Variants in HECW1 observed in about 807,000 individuals in gnomAD.
HECW1 encodes the protein E3 ubiquitin-protein ligase HECW1.
A neutral mutation model predicts 182.3 loss-of-function variants in HECW1; 61 were observed. That is an observed-to-expected ratio of 0.33 (90% confidence interval 0.27 to 0.41). HECW1 has a LOEUF of 0.41. HECW1 is among the 10% of genes least tolerant of loss of function. HECW1 has a pLI of 1.00. For synonymous variants in HECW1, 859 were observed against 832.6 expected (o/e 1.03, Z -0.55); for missense variants, 1,739 against 2,108.9 (o/e 0.82, Z 3.44).
At chr7:43,238,111 G>A (rs1258986354) in intron 2 of HECW1, among the ~76,000 whole-genome samples, 2 of 152,232 alleles carry the variant, frequency 1.3e-5, no homozygotes, top group Non-Finnish European at 2.9e-5. Context: ...CTGTTGTGGA[G>A]TTATTCAAGG....
intron 2 of HECW1, among the ~76,000 whole-genome samples, chr7:43,132,264 A>G (rs188656803): frequency 6.7e-6 from 1 of 148,818 alleles, no homozygotes; most frequent in Non-Finnish European, 1.5e-5. Flanking sequence ...GCAGTTTAAG[A>G]TGTGTCTTTT....
At chr7:43,341,910 G>T (rs1206523363) in intron 5 of HECW1, among the ~76,000 whole-genome samples, 1 of 151,732 alleles carries the variant, frequency 6.6e-6, no homozygotes, top group Non-Finnish European at 1.5e-5. Context: ...TATCATTTGA[G>T]TAGCAAAAAT....
chr7:43,430,293 A>G (rs1439926599), intron 8 of HECW1, among the ~76,000 whole-genome samples: 2 of 152,202 alleles, frequency 1.3e-5, no homozygotes, highest in Non-Finnish European at 2.9e-5. Flanking sequence ...CATTGAGGCA[A>G]TAATGGATCC....
chr7:43,439,345 A>G (rs1280282586), intron 9 of HECW1: 1 of 152,096 alleles, frequency 6.6e-6, no homozygotes, highest in Non-Finnish European at 1.5e-5. Flanking sequence ...GGTGGCAGAG[A>G]TCCGGCCGGA....
intron 8 of HECW1, among the ~76,000 whole-genome samples, chr7:43,419,464 C>T (rs186263725): frequency 1.1e-3 from 174 of 152,306 alleles, no homozygotes; most frequent in Non-Finnish European, 2.0e-3. Flanking sequence ...CATCTCTTCA[C>T]TGTACTTTAT....
intron 29 of HECW1, among the ~76,000 whole-genome samples, chr7:43,559,649 G>A (rs998772841): frequency 2.0e-5 from 3 of 152,076 alleles, no homozygotes; most frequent in African/African-American, 7.2e-5. Flanking sequence ...GACTAGACCG[G>A]GGTCAGCATA....
chr7:43,319,895 G>A (rs1489770873), intron 4 of HECW1, among the ~76,000 whole-genome samples: 4 of 150,718 alleles, frequency 2.7e-5, no homozygotes, highest in African/African-American at 4.9e-5. Context: ...TTACAGGTGT[G>A]AGCCACTGCA....
chr7:43,509,154 G>A, intron 24 of HECW1, 33 bp downstream of exon 24: 1 of 1,605,186 alleles, frequency 6.2e-7, no homozygotes, highest in South Asian at 1.1e-5. Context: ...TCTTGTATTT[G>A]AAAGTTCTCC....
At chr7:43,509,375 C>T (rs1376847462) in intron 24 of HECW1, 13 of 387,116 alleles carry the variant, frequency 3.4e-5, no homozygotes, top group Admixed American at 1.7e-4. Context: ...ACTGAGAAGA[C>T]GCTAAGATCA....
intron 5 of HECW1, among the ~76,000 whole-genome samples, chr7:43,359,870 A>T (rs983550767): frequency 6.6e-6 from 1 of 152,218 alleles, no homozygotes; most frequent in Non-Finnish European, 1.5e-5. Flanking sequence ...AAATTTTAAG[A>T]AAACAAATCC....
chr7:43,221,668 C>T (rs1023519744), intron 2 of HECW1, among the ~76,000 whole-genome samples: 6 of 146,830 alleles, frequency 4.1e-5, no homozygotes, highest in African/African-American at 1.5e-4. Context: ...ATTCTCCTGC[C>T]TCAGCCTCCC....
At chr7:43,267,864 G>T (rs543109761) in intron 3 of HECW1, among the ~76,000 whole-genome samples, 1 of 152,094 alleles carries the variant, frequency 6.6e-6, no homozygotes, top group Admixed American at 6.6e-5. Context: ...TTAAGAAGTA[G>T]AAAATTTCAA....
intron 2 of HECW1, among the ~76,000 whole-genome samples, chr7:43,228,120 A>T (rs991295055): frequency 6.6e-6 from 1 of 152,258 alleles, no homozygotes; most frequent in African/African-American, 2.4e-5. Context: ...GAAATCTTCC[A>T]TTAACAGCCA....
chr7:43,327,956 C>T (rs1174557399), intron 5 of HECW1, among the ~76,000 whole-genome samples: 1 of 136,074 alleles, frequency 7.3e-6, no homozygotes, highest in Non-Finnish European at 1.5e-5. Context: ...GTCTATGAAC[C>T]ATTTATATTA....
chr7:43,537,322 C>G (rs1235696788), intron 24 of HECW1, among the ~76,000 whole-genome samples: 1 of 152,204 alleles, frequency 6.6e-6, no homozygotes, highest in Non-Finnish European at 1.5e-5. Context: ...AGCTCGAAAC[C>G]TCAGCATTTA....
In HECW1 at chr7:43,444,970, C is replaced by T. The variant is rs753677386; in HGVS notation, c.1798C>T (p.Leu600Phe). 3.8e-6 allele frequency: 6 copies of T among 1,565,938 alleles called. No individual in the cohort carries two copies. The highest frequency in any genetic ancestry group is 3.6e-5 in the Admixed American group (2 of 55,666). Residue 600 changes from leucine to phenylalanine, a missense_variant, in exon 11 of 30, where the codon CTC (leucine) becomes TTC (phenylalanine). Physicochemically the swap from Leu to Phe is conservative, Grantham distance 22 (BLOSUM62 0). Coordinates refer to ENST00000395891, the MANE Select transcript of HECW1 (RefSeq NM_015052.5). This position sits in a 1 kb window ranked among gnomAD's most constrained non-coding sequence, Gnocchi z 4.3. ...TLKDSSEKDGLSEVDTVAADP... is the reference protein window; with the variant it reads ...TLKDSSEKDGFSEVDTVAADP... Reference sequence around the variant, plus strand: ...CAAGGACTCCTCGGAGAAGGATGGGCTCAGCGAGGTGGACACGGTGGCCGC... The same window carrying T: ...CAAGGACTCCTCGGAGAAGGATGGGTTCAGCGAGGTGGACACGGTGGCCGC...
chr7:43,400,042 C>G (rs1455163126), intron 7 of HECW1, among the ~76,000 whole-genome samples: 1 of 151,960 alleles, frequency 6.6e-6, no homozygotes, highest in African/African-American at 2.4e-5. Context: ...TTGAGACCAC[C>G]TGGGTAATAT....
chr7:43,325,529 A>G (rs1163698519), intron 5 of HECW1, among the ~76,000 whole-genome samples: 1 of 152,146 alleles, frequency 6.6e-6, no homozygotes, highest in East Asian at 1.9e-4. Flanking sequence ...ATCCAATTTT[A>G]GTAGGAAGAA....
chr7:43,283,563 A>G (rs1804207836), intron 3 of HECW1, among the ~76,000 whole-genome samples: 1 of 152,244 alleles, frequency 6.6e-6, no homozygotes, highest in African/African-American at 2.4e-5. Flanking sequence ...TAACATAATA[A>G]ATACTGATAG....
Sources: allele counts gnomAD v4.1 joint callset (sites outside exome capture counted in the v4.1 genomes callset), GRCh38; gene constraint gnomAD v4.1.1; non-coding constraint Gnocchi (gnomAD v3.1); transcripts MANE v1.5; gene names NCBI Gene and HGNC (gene_info 2026-07-23, HGNC 2026-07-21).